PEMT: variants seen among roughly 807,000 people sequenced by gnomAD.
The protein encoded by PEMT is phospholipid methyltransferase.
A neutral mutation model predicts 27.4 loss-of-function variants in PEMT; 23 were observed. The observed-to-expected ratio is 0.84, with a 90% confidence interval of 0.60 to 1.19. The LOEUF is 1.19. PEMT is among the 50% of genes most tolerant of loss of function. The probability of loss-of-function intolerance (pLI) is 0.00; values close to 1 mark genes in which losing one functional copy is unlikely to be tolerated. For missense variants in PEMT, 307 were observed against 310.1 expected, an observed-to-expected ratio of 0.99 and a Z score of 0.07; for synonymous variants, 137 against 139.1, an observed-to-expected ratio of 0.98 and a Z score of 0.11.
chr17:17,586,636 G>T (rs557500733), intron 1 of PEMT, among the ~76,000 whole-genome samples: 10 of 152,148 alleles, frequency 6.6e-5, no homozygotes, highest in Admixed American at 2.0e-4. Context: ...TGTGGGATGC[G>T]GCTAAGGCAG....
intron 2 of PEMT, among the ~76,000 whole-genome samples, chr17:17,534,967 C>T (rs1252050656): frequency 6.6e-6 from 1 of 151,850 alleles, no homozygotes; most frequent in African/African-American, 2.4e-5. Context: ...GTCACCCAGG[C>T]TGGCACAGTC....
chr17:17,544,304 G>C (rs2142614557), intron 2 of PEMT, among the ~76,000 whole-genome samples: 1 of 151,048 alleles, frequency 6.6e-6, no homozygotes, highest in Middle Eastern at 3.4e-3. Context: ...TTTTTAGACG[G>C]AGTTTTGCTC....
At chr17:17,579,099 G>A (rs1009531679) in intron 1 of PEMT, among the ~76,000 whole-genome samples, 2 of 152,176 alleles carry the variant, frequency 1.3e-5, no homozygotes, top group African/African-American at 4.8e-5. Flanking sequence ...CGGTGGGGAG[G>A]AGATGGTGCT....
chr17:17,507,079 G>T, intron 5 of PEMT: 1 of 1,271,666 alleles, frequency 7.9e-7, no homozygotes, highest in Non-Finnish European at 1.1e-6. Flanking sequence ...CAGCTCGTCA[G>T]TGACGGCACC....
intron 2 of PEMT, among the ~76,000 whole-genome samples, chr17:17,575,155 C>T (rs1361442712): frequency 6.6e-6 from 1 of 152,154 alleles, no homozygotes; most frequent in East Asian, 1.9e-4. Flanking sequence ...CCATTTTTTG[C>T]TTCTTCCAGC....
intron 2 of PEMT, among the ~76,000 whole-genome samples, chr17:17,560,232 C>G (rs1011220676): frequency 6.6e-6 from 1 of 152,174 alleles, no homozygotes; most frequent in Non-Finnish European, 1.5e-5. Context: ...GCCCCAGCCT[C>G]GGGGACACCA....
chr17:17,543,275 C>T (rs537766144), intron 2 of PEMT, among the ~76,000 whole-genome samples: 41 of 152,356 alleles, frequency 2.7e-4, no homozygotes, highest in African/African-American at 9.4e-4. Flanking sequence ...CTGAGCACTC[C>T]ACACTGTCCT....
At chr17:17,546,462 G>T (rs549523642) in intron 2 of PEMT, among the ~76,000 whole-genome samples, 1 of 152,374 alleles carries the variant, frequency 6.6e-6, no homozygotes, top group South Asian at 2.1e-4. Flanking sequence ...CTGGTGCCAG[G>T]CTGGTGGGGG....
intron 2 of PEMT, among the ~76,000 whole-genome samples, chr17:17,576,500 T>C (rs1013030023): frequency 6.6e-6 from 1 of 151,638 alleles, no homozygotes; most frequent in African/African-American, 2.4e-5. Context: ...ACACGAGGGG[T>C]GGGAGATTCA....
chr17:17,546,964 A>C (rs545269660), intron 2 of PEMT, among the ~76,000 whole-genome samples: 1 of 152,346 alleles, frequency 6.6e-6, no homozygotes, highest in Non-Finnish European at 1.5e-5. Flanking sequence ...TGCAGGATGA[A>C]GCTGCCCATC....
rs1912028497 is a variant in PEMT, at chr17:17,582,453, A to T, written c.97-5426T>A. On this transcript the variant is annotated intron_variant, in intron 1 of 6. Coordinates refer to ENST00000255389, the MANE Select transcript of PEMT (RefSeq NM_148172.3). The surrounding 1 kb of genome is among the most constrained non-coding windows in gnomAD (Gnocchi z 4.9). ...TCAGGGAATGATCTGCAGTGGGTCA[A>T]CATGTCACATTGTGACACATGGACA... The T allele has an allele frequency of 2.5e-5, 25 of 985,026 alleles. No individual in the cohort carries two copies. The South Asian group carries it at 9.9e-4, about 39-fold the overall frequency. 61.0% of individuals were successfully genotyped at this position (985,026 alleles called of 1,614,324 possible).
intron 2 of PEMT, among the ~76,000 whole-genome samples, chr17:17,573,936 C>T (rs1429032051): frequency 6.6e-6 from 1 of 152,050 alleles, no homozygotes; most frequent in East Asian, 1.9e-4. Context: ...TGCACACCAC[C>T]ACACACGGCT....
At chr17:17,586,198 GA>G (rs1912243265) in intron 1 of PEMT, among the ~76,000 whole-genome samples, 3 of 118,826 alleles carry the variant, frequency 2.5e-5, no homozygotes, top group African/African-American at 1.0e-4. Context: ...AAGAAGGAAG[GA>G]AAGAAAGAAA....
Position 17,552,792 on chromosome 17 carries a change from T to C in PEMT, c.204+24128A>G, listed in dbSNP as rs527249385. On this transcript the variant is annotated intron_variant, in intron 2 of 6. Coordinates refer to ENST00000255389, the MANE Select transcript of PEMT (RefSeq NM_148172.3). ...TAGGCCACTGGATCCCGCACCTGAC[T>C]TTCTGAGCTCCCCAGGGCAGGGGCG... 7.2e-5 allele frequency among the ~76,000 whole-genome samples: 11 copies of C among 151,954 alleles called. No individual in the cohort carries two copies. In the South Asian group the frequency reaches 2.3e-3, roughly 32 times the overall value.
At chr17:17,568,173 A>T (rs1174208451) in intron 2 of PEMT, among the ~76,000 whole-genome samples, 2 of 151,778 alleles carry the variant, frequency 1.3e-5, no homozygotes, top group East Asian at 3.9e-4. Flanking sequence ...TTTTGTCTAC[A>T]CTCATATCCC....
intron 2 of PEMT, among the ~76,000 whole-genome samples, chr17:17,573,943 G>A (rs1036056356): frequency 6.6e-6 from 1 of 151,942 alleles, no homozygotes; most frequent in African/African-American, 2.4e-5. Context: ...CACCACACAC[G>A]GCTAATTTTT....
chr17:17,563,219 C>T (rs1170776601), intron 2 of PEMT, among the ~76,000 whole-genome samples: 1 of 152,132 alleles, frequency 6.6e-6, no homozygotes, highest in Non-Finnish European at 1.5e-5. Context: ...GGGGTTCCCA[C>T]CAGCTGCTCC....
At chr17:17,568,075 A>G (rs1910952206) in intron 2 of PEMT, among the ~76,000 whole-genome samples, 1 of 152,030 alleles carries the variant, frequency 6.6e-6, no homozygotes, top group African/African-American at 2.4e-5. Context: ...ACACACACAC[A>G]TGCCACCATC....
chr17:17,516,729 G>C (rs1200160462), intron 3 of PEMT, among the ~76,000 whole-genome samples: 1 of 152,088 alleles, frequency 6.6e-6, no homozygotes, highest in Non-Finnish European at 1.5e-5. Flanking sequence ...GGTCTACCAG[G>C]GCCTGGACCC....
Sources: gnomAD v4.1 joint callset for allele counts (sites outside exome capture counted in the v4.1 genomes callset) on GRCh38, gnomAD v4.1.1 for gene constraint, Gnocchi (gnomAD v3.1) non-coding constraint, MANE v1.5 for transcripts, NCBI Gene and HGNC (gene_info 2026-07-23, HGNC 2026-07-21) for gene names.